Variants in SV2C observed in about 807,000 individuals in gnomAD.
SV2C encodes the protein solute carrier family 22 member B3.
In SV2C, 49 loss-of-function variants were observed where a neutral mutation model predicts 79.7. The ratio of observed to expected loss-of-function variants is 0.61; its 90% CI spans 0.49 to 0.78. The LOEUF is 0.78. SV2C is among the 30% of genes least tolerant of loss of function. The pLI is 0.00. For missense variants in SV2C, 833 were observed against 912.9 expected (o/e 0.91, Z 1.13); for synonymous variants, 334 against 333.2 (o/e 1.00, Z -0.03).
chr5:76,187,181 C>A (rs1019877728), intron 2 of SV2C, among the ~76,000 whole-genome samples: 1 of 152,208 alleles, frequency 6.6e-6, no homozygotes, highest in Non-Finnish European at 1.5e-5. Flanking sequence ...GCCATACATG[C>A]ACAAAACACT....
the SV2C span, chr5:75,921,168 T>A: frequency 1.1e-6 from 1 of 921,172 alleles, no homozygotes; most frequent in Non-Finnish European, 1.7e-6. Flanking sequence ...TTGTTGGAGA[T>A]GTACTCCAAG....
At chr5:76,023,149 G>T in the SV2C span, among the ~76,000 whole-genome samples, 1 of 152,284 alleles carries the variant, frequency 6.6e-6, no homozygotes, top group South Asian at 2.1e-4. Flanking sequence ...TACTAAATCT[G>T]AGTTAAATTT....
chr5:76,282,120 G>A (rs191237188), intron 4 of SV2C, among the ~76,000 whole-genome samples: 3 of 152,296 alleles, frequency 2.0e-5, no homozygotes, highest in Admixed American at 2.0e-4. Context: ...TGTGAGGGGA[G>A]AAGAAAAGGC....
chr5:75,938,989 G>T, the SV2C span, among the ~76,000 whole-genome samples: 1 of 152,020 alleles, frequency 6.6e-6, no homozygotes, highest in Non-Finnish European at 1.5e-5. Flanking sequence ...GAGAGGCAGG[G>T]GAATGTCTTG....
chr5:76,000,771 T>A, the SV2C span, among the ~76,000 whole-genome samples: 2 of 152,136 alleles, frequency 1.3e-5, no homozygotes, highest in Non-Finnish European at 2.9e-5. Context: ...TCACTGGATT[T>A]ATAGTTCGGC....
In SV2C at chr5:76,268,351, G is replaced by T. The variant is rs555064515; in HGVS notation, c.914-16811G>T. Among the ~76,000 whole-genome samples, 19 of 152,310 alleles carry T rather than the reference G, an allele frequency of 1.2e-4. 1 individual carries two copies. In the South Asian group the frequency reaches 3.1e-3, roughly 25 times the overall value. The stretch of plus-strand genomic sequence containing the variant: ...TGATACTGGATTCACGGGGCTCGAT[G>T]ATGCATGAGAACTGAGCGTGGAGTC... On this transcript the variant is annotated intron_variant, in intron 4 of 12. Coordinates refer to ENST00000502798, the MANE Select transcript of SV2C (RefSeq NM_014979.4).
the SV2C span, among the ~76,000 whole-genome samples, chr5:76,032,392 C>T: frequency 9.2e-5 from 14 of 152,116 alleles, no homozygotes; most frequent in Non-Finnish European, 1.5e-4. Flanking sequence ...TGCTATCCCG[C>T]CCCTCTCCCC....
chr5:76,028,021 T>A, the SV2C span, among the ~76,000 whole-genome samples: 2 of 152,218 alleles, frequency 1.3e-5, no homozygotes, highest in African/African-American at 4.8e-5. Context: ...TCTGTAGTTA[T>A]CTCTCTGTGC....
the SV2C span, among the ~76,000 whole-genome samples, chr5:76,052,260 T>C: frequency 6.6e-6 from 1 of 152,322 alleles, no homozygotes; most frequent in East Asian, 1.9e-4. Context: ...ATTAAACATC[T>C]TTTGAGTTTT....
At chr5:75,925,874 C>T in the SV2C span, among the ~76,000 whole-genome samples, 1 of 151,938 alleles carries the variant, frequency 6.6e-6, no homozygotes, top group East Asian at 1.9e-4. Flanking sequence ...CAATGTGACC[C>T]TGGAAATGAG....
At chr5:76,268,316 T>G (rs575083274) in intron 4 of SV2C, among the ~76,000 whole-genome samples, 1 of 152,206 alleles carries the variant, frequency 6.6e-6, no homozygotes, top group East Asian at 1.9e-4. Context: ...TGAGAGACAA[T>G]GAATACTGGT....
chr5:75,912,749 A>C, the SV2C span, among the ~76,000 whole-genome samples: 5,022 of 152,218 alleles, frequency 0.033, 202 homozygotes, highest in African/African-American at 0.099. Flanking sequence ...CAGCTCATGA[A>C]GTAGAGGAGA....
chr5:76,037,486 TTTG>T, the SV2C span, among the ~76,000 whole-genome samples: 1 of 152,140 alleles, frequency 6.6e-6, no homozygotes, highest in South Asian at 2.1e-4. Context: ...CAGCTGCAGG[TTTG>T]TTGGAGTACC....
At chr5:76,189,911 C>T (rs1744042070) in intron 2 of SV2C, among the ~76,000 whole-genome samples, 1 of 152,194 alleles carries the variant, frequency 6.6e-6, no homozygotes, top group Non-Finnish European at 1.5e-5. Flanking sequence ...AAATAGCTCC[C>T]TTTCCTTTCA....
intron 1 of SV2C, among the ~76,000 whole-genome samples, chr5:76,112,266 C>G (rs1223409740): frequency 6.6e-6 from 1 of 152,160 alleles, no homozygotes; most frequent in East Asian, 1.9e-4. Flanking sequence ...ATGTGAGGCA[C>G]TGGCACTCTT....
intron 2 of SV2C, among the ~76,000 whole-genome samples, chr5:76,144,312 G>A (rs939926801): frequency 2.0e-5 from 3 of 152,118 alleles, no homozygotes; most frequent in East Asian, 1.9e-4. Flanking sequence ...AAACCCTAAC[G>A]AAAGCACTTT....
chr5:76,314,861 C>T (rs972432360), intron 12 of SV2C, among the ~76,000 whole-genome samples: 2 of 152,154 alleles, frequency 1.3e-5, no homozygotes, highest in Non-Finnish European at 2.9e-5. Context: ...ATGACCTTGG[C>T]CACAGATGAA....
the SV2C span, among the ~76,000 whole-genome samples, chr5:75,959,214 A>C: frequency 6.6e-6 from 1 of 151,990 alleles, no homozygotes; most frequent in Admixed American, 6.6e-5. Flanking sequence ...CAAGCATTTA[A>C]GGACCTCTTT....
intron 2 of SV2C, among the ~76,000 whole-genome samples, chr5:76,147,696 A>T (rs1265092848): frequency 6.6e-6 from 1 of 152,206 alleles, no homozygotes; most frequent in Admixed American, 6.5e-5. Flanking sequence ...GTTCACTTGC[A>T]GTCAGATAAA....
Sources: gnomAD v4.1 joint callset for allele counts (sites outside exome capture counted in the v4.1 genomes callset) on GRCh38, gnomAD v4.1.1 for gene constraint, MANE v1.5 for transcripts, NCBI Gene and HGNC (gene_info 2026-07-23, HGNC 2026-07-21) for gene names.